Variants in EIPR1 observed in about 807,000 individuals in gnomAD.
EIPR1 encodes EARP complex and GARP complex interacting protein 1, also known as EARP and GARP complex-interacting protein 1.
Under a neutral mutation model 48.1 loss-of-function variants are expected in EIPR1, and 25 were observed. The observed-to-expected ratio is 0.52, with a 90% CI of 0.38 to 0.73. The LOEUF (loss-of-function observed/expected upper bound fraction) is 0.73, where lower values mean the gene tolerates loss of function less well. EIPR1 is among the 30% of genes least tolerant of loss of function. The pLI is 0.00. For missense variants in EIPR1, 415 were observed against 506.2 expected (o/e 0.82, Z 1.73); for synonymous variants, 204 against 201.9 (o/e 1.01, Z -0.09).
At chr2:3,260,877 A>C (rs1402028451) in intron 3 of EIPR1, among the ~76,000 whole-genome samples, 2 of 152,212 alleles carry the variant, frequency 1.3e-5, no homozygotes, top group Admixed American at 6.5e-5. Context: ...AACAATAGCA[A>C]GTATTGGCAA....
intron 1 of EIPR1, among the ~76,000 whole-genome samples, chr2:3,358,138 G>A (rs931211538): frequency 6.6e-6 from 1 of 151,838 alleles, no homozygotes; most frequent in African/African-American, 2.4e-5. Context: ...CCACCTCCTC[G>A]GCAGTCACAT....
chr2:3,324,774 G>A (rs1669642111), intron 3 of EIPR1, among the ~76,000 whole-genome samples: 1 of 152,218 alleles, frequency 6.6e-6, no homozygotes, highest in African/African-American at 2.4e-5. Context: ...GTCACGCCGG[G>A]GGGAGTGCAG....
intron 4 of EIPR1, among the ~76,000 whole-genome samples, chr2:3,223,230 C>T (rs143640983): frequency 9.8e-5 from 15 of 152,308 alleles, no homozygotes; most frequent in African/African-American, 2.4e-4. Context: ...CTTCCTCCCA[C>T]GGAGTTGACT....
intron 1 of EIPR1, among the ~76,000 whole-genome samples, 158 bp from the exon 2 acceptor site, chr2:3,354,791 C>T (rs978689569): frequency 1.3e-5 from 2 of 152,202 alleles, no homozygotes. Flanking sequence ...GTATTAAATG[C>T]CTTTGACTTT....
At chr2:3,274,229 A>G (rs1476600558) in intron 3 of EIPR1, 27 of 1,479,104 alleles carry the variant, frequency 1.8e-5, no homozygotes, top group Non-Finnish European at 2.3e-5. Context: ...TAAACAAATT[A>G]TCAGACTCAG....
At chr2:3,302,841 G>C (rs771596141) in intron 3 of EIPR1, among the ~76,000 whole-genome samples, 3 of 152,214 alleles carry the variant, frequency 2.0e-5, no homozygotes, top group Non-Finnish European at 2.9e-5. Flanking sequence ...CCAGCAGGGC[G>C]TCTGGCATGC....
intron 1 of EIPR1, among the ~76,000 whole-genome samples, chr2:3,373,555 A>G (rs1331655666): frequency 1.3e-5 from 2 of 151,694 alleles, no homozygotes; most frequent in Admixed American, 6.6e-5. Context: ...TCAATGTACA[A>G]AAATCACAAG....
chr2:3,283,409 G>C (rs1284068447), intron 3 of EIPR1, among the ~76,000 whole-genome samples: 1 of 152,226 alleles, frequency 6.6e-6, no homozygotes, highest in Non-Finnish European at 1.5e-5. Flanking sequence ...CCTAGCAGGT[G>C]GCGGGGCCAC....
At chr2:3,236,957 G>A (rs1214829911) in intron 4 of EIPR1, among the ~76,000 whole-genome samples, 1 of 152,126 alleles carries the variant, frequency 6.6e-6, no homozygotes, top group Non-Finnish European at 1.5e-5. Flanking sequence ...CTTCAAAGCT[G>A]CTGACTATAC....
chr2:3,354,735 AAAGT>A, intron 1 of EIPR1, 102 bp from the exon 2 acceptor site: 1 of 1,136,952 alleles, frequency 8.8e-7, no homozygotes, highest in East Asian at 2.5e-5. Context: ...TACTGTTGAT[AAAGT>A]ATAAATTAGT....
At chr2:3,257,239 C>T in intron 4 of EIPR1, 60 bp downstream of exon 4, 3 of 1,563,414 alleles carry the variant, frequency 1.9e-6, no homozygotes, top group Non-Finnish European at 2.6e-6. Context: ...TCTGCACAAG[C>T]TCCTGCACCT....
chr2:3,283,264 C>G (rs1289145689), intron 3 of EIPR1, among the ~76,000 whole-genome samples: 2 of 152,184 alleles, frequency 1.3e-5, no homozygotes, highest in Non-Finnish European at 2.9e-5. Flanking sequence ...AGCACCACCA[C>G]GCTGGGCTGG....
intron 5 of EIPR1, among the ~76,000 whole-genome samples, chr2:3,198,965 T>TA (rs1664905819): frequency 6.8e-6 from 1 of 147,126 alleles, no homozygotes; most frequent in African/African-American, 2.5e-5. Flanking sequence ...TTCCTAATCC[T>TA]AGCAAGCCTG....
intron 5 of EIPR1, among the ~76,000 whole-genome samples, chr2:3,200,434 G>A (rs943960243): frequency 2.6e-5 from 4 of 152,194 alleles, no homozygotes; most frequent in African/African-American, 9.7e-5. Context: ...TGCCAAGGGT[G>A]ACTTACTGAT....
intron 3 of EIPR1, among the ~76,000 whole-genome samples, chr2:3,307,362 G>A (rs1040227960): frequency 6.6e-6 from 1 of 152,184 alleles, no homozygotes; most frequent in East Asian, 1.9e-4. Context: ...CTGCCCTAAT[G>A]TCTCCCGGCC....
chr2:3,254,149 T>C (rs1667084371), intron 4 of EIPR1, among the ~76,000 whole-genome samples: 2 of 152,152 alleles, frequency 1.3e-5, no homozygotes, highest in Non-Finnish European at 2.9e-5. Context: ...CTGTGCCGTA[T>C]TCACCAGACC....
At chr2:3,217,788 C>T (rs957602905) in intron 4 of EIPR1, among the ~76,000 whole-genome samples, 1 of 152,150 alleles carries the variant, frequency 6.6e-6, no homozygotes, top group Non-Finnish European at 1.5e-5. Context: ...GTCTGATATA[C>T]CACTTCCTGG....
intron 2 of EIPR1, chr2:3,353,069 A>G (rs559464020): frequency 2.1e-5 from 8 of 372,866 alleles, no homozygotes; most frequent in East Asian, 7.4e-5. Flanking sequence ...CCATATTCAT[A>G]TAACTTTCAT....
Position 3,318,185 on chromosome 2 carries a change from C to A in EIPR1, c.259+19832G>T, listed in dbSNP as rs1301442090. Among the ~76,000 whole-genome samples, 7 of 152,214 alleles carry A rather than the reference C, an allele frequency of 4.6e-5. No homozygotes were observed. In the East Asian group the frequency reaches 1.3e-3, roughly 29 times the overall value. ...CGCAGACCAGCAGGCCGCAGAAGAG[C>A]GCAGCACACCACACATGTGGGGTTG... On this transcript the variant is annotated intron_variant, in intron 3 of 8. Coordinates refer to ENST00000382125, the MANE Select transcript of EIPR1 (RefSeq NM_003310.5).
Sources: allele counts gnomAD v4.1 joint callset (sites outside exome capture counted in the v4.1 genomes callset), GRCh38; gene constraint gnomAD v4.1.1; transcripts MANE v1.5; gene names NCBI Gene and HGNC (gene_info 2026-07-23, HGNC 2026-07-21).